The following MCM3AP variants were observed in gnomAD, a reference collection of about 807,000 sequenced individuals.
MCM3AP encodes minichromosome maintenance complex component 3 associated protein.
MCM3AP carries 126 observed loss-of-function variants against 184.1 expected under a neutral mutation model. The ratio of observed to expected loss-of-function variants is 0.68; its 90% confidence interval spans 0.59 to 0.79. The LOEUF is 0.79. Ranked by LOEUF, MCM3AP falls within the 30% of genes least tolerant of loss-of-function variation. MCM3AP has a pLI of 0.00. For synonymous variants in MCM3AP, 1,002 were observed against 979.3 expected (o/e 1.02, Z -0.43); for missense variants, 2,496 against 2,479.2 (o/e 1.01, Z -0.14).
intron 7 of MCM3AP, among the ~76,000 whole-genome samples, chr21:46,273,063 C>T (rs571846935): frequency 1.3e-4 from 20 of 152,150 alleles, no homozygotes; most frequent in Middle Eastern, 3.4e-3. Context: ...CCACAACCTC[C>T]GCCTCCCAGG....
At chr21:46,242,116 C>G (rs1367444933) in intron 25 of MCM3AP, 1 of 152,264 alleles carries the variant, frequency 6.6e-6, no homozygotes, top group Non-Finnish European at 1.5e-5. Flanking sequence ...ACTGTACTGT[C>G]TGGAAATGAC....
intron 24 of MCM3AP, 123 bp from the exon 25 acceptor site, chr21:46,243,054 C>T: frequency 5.6e-6 from 5 of 891,308 alleles, no homozygotes; most frequent in Non-Finnish European, 6.8e-6. Context: ...CGACAGGTGG[C>T]ATGTGCTTAA....
chr21:46,264,041 T>A (rs1435628191), intron 13 of MCM3AP, 76 bp downstream of exon 13: 1 of 988,438 alleles, frequency 1.0e-6, no homozygotes, highest in Non-Finnish European at 1.6e-6. Flanking sequence ...GGCAACTTTA[T>A]GAGAGGAAAC....
Position 46,267,140 on chromosome 21 carries a change from G to A in MCM3AP, c.2631C>T (p.Ile877=). ...TGAGCGCCCGGAGAGCATCCTTGCG[G>A]ATCTGAGAGGAGGAGCGAAATCACT... ...ACLLHCYFSQ[I]RKDALRALNF... The change falls in exon 10 of 28, where the codon ATC becomes ATT. Residue 877 remains isoleucine, a splice_region_variant and synonymous_variant. Transcript: ENST00000291688. The A allele has an allele frequency of 6.2e-7, 1 of 1,613,192 alleles. No homozygotes were observed. The highest frequency in any genetic ancestry group is 8.5e-7 in the Non-Finnish European group (1 of 1,179,674).
chr21:46,249,755 CAGT>C, intron 20 of MCM3AP: 4 of 350,754 alleles, frequency 1.1e-5, no homozygotes, highest in South Asian at 6.6e-5. Context: ...CTGTCCTGTG[CAGT>C]CTGTGTTTGC....
chr21:46,245,563 TGTGCCAAGGTGCCTTCACACCCTATG>T lies in MCM3AP; in HGVS notation c.4648-392_4648-367del, dbSNP rs2080752544. Among the ~76,000 whole-genome samples the T allele has an allele frequency of 2.6e-5, 4 of 152,360 alleles. No individual in the cohort carries two copies. In the South Asian group the frequency reaches 8.3e-4, roughly 32 times the overall value. ...TTTGGAAGGACTAACAGCTTCACTA[TGTGCCAAGGTGCCTTCACACCCTATG>T]GTTATCTTACTTCCTATAGTTATTT... On this transcript the variant is annotated intron_variant, in intron 22 of 27. Coordinates refer to ENST00000291688, the MANE Select transcript of MCM3AP (RefSeq NM_003906.5).
At position 46,272,613 on chromosome 21, in the gene MCM3AP, C is replaced by T; in HGVS notation, c.2413G>A (p.Glu805Lys). The change falls in exon 8 of 28, where the codon GAG becomes AAG. Residue 805 changes from glutamate (E) to lysine (K), a missense_variant. This residue lies in a region of MCM3AP where 105 missense variants were observed against 97.1 expected (regional missense o/e 1.08). Coordinates refer to ENST00000291688, the MANE Select transcript of MCM3AP (RefSeq NM_003906.5). ...AGCAGAACATTGTAGCCCTGGAACT[C>T]CGCTTCGCTGGCACAGAAGACACCC... is the stretch of plus-strand genomic sequence containing the variant. Reference protein sequence around the residue: ...NKGVFCASEAEFQGYNVLLSL... With the variant: ...NKGVFCASEAKFQGYNVLLSL... 11 of 1,614,220 alleles carry T rather than the reference C, an allele frequency of 6.8e-6. No individual in the cohort carries two copies. Among genetic ancestry groups the T allele is most frequent in the Non-Finnish European group, 9.3e-6 (11 of 1,180,032 alleles).
chr21:46,243,958 T>C (rs1291189351), intron 23 of MCM3AP, among the ~76,000 whole-genome samples: 1 of 152,192 alleles, frequency 6.6e-6, no homozygotes, highest in Non-Finnish European at 1.5e-5. Flanking sequence ...GTTCTGACTG[T>C]ACAGGCCTGT....
At chr21:46,278,847 G>C (rs566918890) in intron 4 of MCM3AP, among the ~76,000 whole-genome samples, 2 of 151,940 alleles carry the variant, frequency 1.3e-5, no homozygotes, top group South Asian at 4.2e-4. Flanking sequence ...CTAATTTTTT[G>C]TATTTTTAGT....
chr21:46,254,632 C>T, intron 18 of MCM3AP, 106 bp from the exon 19 acceptor site: 1 of 1,489,564 alleles, frequency 6.7e-7, no homozygotes, highest in Non-Finnish European at 9.3e-7. Context: ...AAATCAGGTT[C>T]AGAGATTGAA....
rs1348118531 is a variant in MCM3AP, at chr21:46,246,667, T to C, written c.4510A>G (p.Ser1504Gly). Reference protein sequence around the residue: ...PALPLVVLVPSPGGDAVEKEV... With the variant: ...PALPLVVLVPGPGGDAVEKEV... ...TTCTCAACGGCGTCCCCTCCTGGGC[T>C]AGGCACAAGAACCACCAGAGGAAGC... Residue 1504 changes from serine to glycine, a missense_variant, in exon 21 of 28, where the codon AGC becomes GGC. Coordinates refer to ENST00000291688, the MANE Select transcript of MCM3AP (RefSeq NM_003906.5). The C allele has an allele frequency of 6.2e-7, 1 of 1,613,826 alleles. No homozygotes were observed. Among genetic ancestry groups the C allele is most frequent in the East Asian group, 2.2e-5 (1 of 44,878 alleles).
rs765492569 is a variant in MCM3AP, at chr21:46,284,531, G to A, written c.756C>T (p.Phe252=). The A allele has an allele frequency of 2.5e-6, 4 of 1,614,106 alleles. No homozygotes were observed. The highest frequency in any genetic ancestry group is 1.3e-5 in the African/African-American group (1 of 74,930). The change falls in exon 1 of 28, where the codon TTC becomes TTT. Residue 252 remains phenylalanine, a synonymous_variant. Transcript: ENST00000291688. ...CGCCCAAAACCGCAGATGATACAGG[G>A]AAGCTACTGAAGCTATTATTAGAAC... The part of the protein sequence containing the change: ...FGSSNNSFSS[F]PVSSAVLGEP...
rs2080769857 is a variant in MCM3AP, at chr21:46,246,394, T to C, written c.4560A>G (p.Leu1520=). The change falls in exon 22 of 28, where the codon CTA becomes CTG. Residue 1520 remains leucine, a synonymous_variant. Coordinates refer to ENST00000291688, the MANE Select transcript of MCM3AP (RefSeq NM_003906.5). The stretch of plus-strand genomic sequence containing the variant: ...TCAGCTTAGCTGAAACCAAGTCCTG[T>C]AGCATCAGACCTTTAAGACAGACAT... ...VEKEVEDGLM[L]QDLVSAKLIS... 6.2e-7 allele frequency: 1 copy of C among 1,605,302 alleles called. No homozygotes were observed. Among genetic ancestry groups the C allele is most frequent in the Admixed American group, 1.7e-5 (1 of 59,992 alleles).
intron 9 of MCM3AP, chr21:46,267,409 A>G (rs2081127088): frequency 2.3e-6 from 1 of 430,786 alleles, no homozygotes; most frequent in Non-Finnish European, 4.2e-6. Flanking sequence ...GAAATCATGA[A>G]ACAAACTGTC....
chr21:46,266,945 G>A (rs1208575236), intron 10 of MCM3AP, 37 bp downstream of exon 10: 2 of 1,608,868 alleles, frequency 1.2e-6, no homozygotes, highest in Non-Finnish European at 1.7e-6. Flanking sequence ...AAGAAAAAAG[G>A]AGACAGGGGC....
At chr21:46,243,748 A>G in intron 23 of MCM3AP, 26 bp from the exon 24 acceptor site, 1 of 1,610,472 alleles carries the variant, frequency 6.2e-7, no homozygotes, top group Non-Finnish European at 8.5e-7. Context: ...CTCATTAGTT[A>G]CAGGTTTGGC....
chr21:46,249,582 C>G (rs1449740174), intron 20 of MCM3AP: 1 of 450,022 alleles, frequency 2.2e-6, no homozygotes, highest in Non-Finnish European at 4.4e-6. Flanking sequence ...TTTCTTTCCC[C>G]CAGCTTAAGG....
intron 26 of MCM3AP, among the ~76,000 whole-genome samples, chr21:46,240,540 C>T (rs922659329): frequency 2.0e-5 from 3 of 152,132 alleles, no homozygotes; most frequent in Admixed American, 1.3e-4. Flanking sequence ...CAGACTTAAC[C>T]ACATGAATTT....
chr21:46,240,836 G>T lies in MCM3AP; in HGVS notation c.5608C>A (p.Leu1870Met). ...LLAQCLSSSL[L>M]LEKEENKRFE... Reference sequence around the variant, plus strand: ...CTCTTGTTCTCTTCTTTCTCCAGCAGCAGACTGCTCGACAAACACTGCGCC... The same window carrying T: ...CTCTTGTTCTCTTCTTTCTCCAGCATCAGACTGCTCGACAAACACTGCGCC... The change falls in exon 26 of 28, where the codon CTG becomes ATG. Residue 1870 changes from leucine to methionine, a missense_variant. Leu to Met is a conservative substitution (Grantham distance 15). Coordinates refer to ENST00000291688, the MANE Select transcript of MCM3AP (RefSeq NM_003906.5). The T allele has an allele frequency of 1.2e-6, 2 of 1,614,186 alleles. No homozygotes were observed. The highest frequency in any genetic ancestry group is 1.7e-6 in the Non-Finnish European group (2 of 1,180,030).
Sources: allele counts gnomAD v4.1 joint callset (sites outside exome capture counted in the v4.1 genomes callset), GRCh38; gene constraint gnomAD v4.1.1; regional missense constraint gnomAD v4.1.1; transcripts MANE v1.5; gene names NCBI Gene and HGNC (gene_info 2026-07-23, HGNC 2026-07-21).